The following TANGO6 variants were observed in gnomAD, a reference collection of about 807,000 sequenced individuals.
The protein encoded by TANGO6 is transport and golgi organization 6 homolog.
In TANGO6, 90 loss-of-function variants were observed where a neutral mutation model predicts 114.2. That is an observed-to-expected ratio of 0.79 (90% CI 0.66 to 0.94). The LOEUF is 0.94. TANGO6 is among the 40% of genes least tolerant of loss of function. The pLI, the probability that TANGO6 is intolerant of heterozygous loss-of-function variation, is 0.00. For synonymous variants in TANGO6, 477 were observed against 509.8 expected (o/e 0.94, Z 0.87); for missense variants, 1,274 against 1,315.3 (o/e 0.97, Z 0.49).
intron 15 of TANGO6, among the ~76,000 whole-genome samples, chr16:68,983,712 C>T (rs1322069139): frequency 6.6e-6 from 1 of 152,154 alleles, no homozygotes; most frequent in Non-Finnish European, 1.5e-5. Flanking sequence ...ATCATCATCA[C>T]AGCACAACAG....
intron 15 of TANGO6, among the ~76,000 whole-genome samples, chr16:68,979,305 C>T (rs1963799797): frequency 6.6e-6 from 1 of 152,128 alleles, no homozygotes; most frequent in Non-Finnish European, 1.5e-5. Flanking sequence ...TCTTGGCTCA[C>T]TGCAACCTCC....
Position 69,022,861 on chromosome 16 carries a change from T to A in TANGO6, c.2876T>A (p.Ile959Asn). 1 of 1,590,294 alleles carries A rather than the reference T, an allele frequency of 6.3e-7. No homozygotes were observed. Among genetic ancestry groups the A allele is most frequent in the Non-Finnish European group, 8.6e-7 (1 of 1,167,666 alleles). ...DMVSKYREPL[I>N]HTFLRGVRDP... The stretch of plus-strand genomic sequence containing the variant: ...GTCTCAAAGTACCGAGAACCTTTGA[T>A]CCATACCTTCCTGAGGGGAGTGAGA... Residue 959 changes from isoleucine to asparagine, a missense_variant, in exon 16 of 18, where the codon ATC (isoleucine) becomes AAC (asparagine). Physicochemically the swap from Ile to Asn is moderately radical, Grantham distance 149. This residue lies in a region of TANGO6 where 238 missense variants were observed against 252.9 expected (regional missense o/e 0.94). Transcript: ENST00000261778.
chr16:68,875,137 T>G lies in TANGO6; in HGVS notation c.995-17T>G, dbSNP rs1358907781. 21 of 1,608,544 alleles carry G rather than the reference T, an allele frequency of 1.3e-5. No individual in the cohort carries two copies. The highest frequency in any genetic ancestry group is 1.8e-5 in the Non-Finnish European group (21 of 1,175,896). On this transcript the variant is annotated splice_polypyrimidine_tract_variant and intron_variant, in intron 4 of 17. Transcript: ENST00000261778. ...GGAATTGCTGTGAGCTGCTAACATC[T>G]CTCTCCATTGTGCCAGCGGGAGCAG... is the stretch of plus-strand genomic sequence containing the variant.
In TANGO6 at chr16:68,977,384, T is replaced by C. The variant is rs1307905339; in HGVS notation, c.2842+3216T>C. Among the ~76,000 whole-genome samples, 5 of 151,368 alleles carry C rather than the reference T, an allele frequency of 3.3e-5. No individual in the cohort carries two copies. The South Asian group carries it at 1.0e-3, about 32-fold the overall frequency. ...AAATTTATTTATTTATTTATTTAATTTTTTTTGTTTTTTTGAGATGGAGTC... is the reference window on the plus strand; with the variant it reads ...AAATTTATTTATTTATTTATTTAATCTTTTTTGTTTTTTTGAGATGGAGTC... On this transcript the variant is annotated intron_variant, in intron 15 of 17. Transcript: ENST00000261778.
rs888323230 is a variant in TANGO6, at chr16:68,959,209, C to T, written c.2702-14819C>T. Among the ~76,000 whole-genome samples, 8 of 152,172 alleles carry T rather than the reference C, an allele frequency of 5.3e-5. No individual in the cohort carries two copies. In the South Asian group the frequency reaches 6.2e-4, roughly 12 times the overall value. ...TCATGTTTGCTCATTTCACAATGAT[C>T]GCTTTTTCCAAGCCACTGCTAGCCT... On this transcript the variant is annotated intron_variant, in intron 14 of 17. Coordinates refer to ENST00000261778, the MANE Select transcript of TANGO6 (RefSeq NM_024562.2).
At chr16:68,954,570 G>A (rs1963507344) in intron 14 of TANGO6, among the ~76,000 whole-genome samples, 1 of 152,212 alleles carries the variant, frequency 6.6e-6, no homozygotes, top group Non-Finnish European at 1.5e-5. Flanking sequence ...TAGCGAGAAA[G>A]TTTTATACCA....
intron 12 of TANGO6, among the ~76,000 whole-genome samples, chr16:68,923,389 G>A (rs1160353702): frequency 6.6e-6 from 1 of 152,146 alleles, no homozygotes; most frequent in Admixed American, 6.5e-5. Flanking sequence ...AGAGGCTGGG[G>A]TAGAAGTAGT....
At chr16:69,000,264 A>G (rs1328296078) in intron 15 of TANGO6, among the ~76,000 whole-genome samples, 4 of 152,228 alleles carry the variant, frequency 2.6e-5, no homozygotes, top group Non-Finnish European at 5.9e-5. Flanking sequence ...CTTTTAATAT[A>G]CCAAATATGT....
chr16:69,079,698 T>C (rs1960438862), intron 17 of TANGO6, among the ~76,000 whole-genome samples: 2 of 152,190 alleles, frequency 1.3e-5, no homozygotes, highest in African/African-American at 4.8e-5. Flanking sequence ...CAAAATGCTA[T>C]TTTTTTCTAC....
intron 11 of TANGO6, among the ~76,000 whole-genome samples, chr16:68,912,239 T>G (rs1962931549): frequency 6.6e-6 from 1 of 152,224 alleles, no homozygotes; most frequent in Non-Finnish European, 1.5e-5. Flanking sequence ...GGCTCACGCC[T>G]GTAATCTTAG....
intron 14 of TANGO6, among the ~76,000 whole-genome samples, chr16:68,931,293 G>A (rs1963235874): frequency 6.6e-6 from 1 of 152,190 alleles, no homozygotes; most frequent in Non-Finnish European, 1.5e-5. Context: ...CTGTGAAAAG[G>A]GGACTAAATA....
chr16:69,049,539 C>A (rs537901001), intron 17 of TANGO6, among the ~76,000 whole-genome samples: 97 of 151,084 alleles, frequency 6.4e-4, no homozygotes, highest in Non-Finnish European at 1.2e-3. Flanking sequence ...TCAAGCAATT[C>A]TCCTGCCTCA....
intron 16 of TANGO6, among the ~76,000 whole-genome samples, chr16:69,037,135 CA>C (rs1232986110): frequency 5.2e-3 from 235 of 45,284 alleles, no homozygotes; most frequent in Middle Eastern, 0.026. Context: ...GAGTCCATCT[CA>C]AAAAAAAAAA....
intron 2 of TANGO6, among the ~76,000 whole-genome samples, chr16:68,862,608 A>G (rs1962113165): frequency 6.6e-6 from 1 of 152,226 alleles, no homozygotes; most frequent in Admixed American, 6.5e-5. Flanking sequence ...AAAAATACCC[A>G]GCAAGAAAGA....
chr16:69,057,657 G>C (rs1248307537), intron 17 of TANGO6, among the ~76,000 whole-genome samples: 2 of 152,148 alleles, frequency 1.3e-5, no homozygotes, highest in Non-Finnish European at 2.9e-5. Context: ...GCCAACAGAA[G>C]GCTGCTTCCA....
rs920027579 is a variant in TANGO6, at chr16:69,083,823, C to T, written c.*162C>T. On this transcript the variant is annotated 3_prime_UTR_variant, in exon 18 of 18. Coordinates refer to ENST00000261778, the MANE Select transcript of TANGO6 (RefSeq NM_024562.2). Reference sequence around the variant, plus strand: ...TCACTTGGGTCTTCAGGGTCCCTTCCGAGGGCATGTGTTCAGCACTCCCGC... The same window carrying T: ...TCACTTGGGTCTTCAGGGTCCCTTCTGAGGGCATGTGTTCAGCACTCCCGC... 6 of 691,012 alleles carry T rather than the reference C, an allele frequency of 8.7e-6. No homozygotes were observed. The highest frequency in any genetic ancestry group is 3.6e-5 in the African/African-American group (2 of 55,390). 42.8% of individuals were successfully genotyped at this position (691,012 alleles called of 1,614,324 possible).
chr16:68,988,643 A>G (rs1963918770), intron 15 of TANGO6, among the ~76,000 whole-genome samples: 1 of 149,586 alleles, frequency 6.7e-6, no homozygotes, highest in South Asian at 2.1e-4. Context: ...TCAATTTTTC[A>G]ATTTAATTTT....
At chr16:69,060,760 G>A (rs1346049479) in intron 17 of TANGO6, among the ~76,000 whole-genome samples, 1 of 152,042 alleles carries the variant, frequency 6.6e-6, no homozygotes, top group Non-Finnish European at 1.5e-5. Context: ...TTGGGAGGCC[G>A]AGGCGGGAGG....
At chr16:68,931,205 C>T (rs1343534007) in intron 14 of TANGO6, among the ~76,000 whole-genome samples, 2 of 152,168 alleles carry the variant, frequency 1.3e-5, no homozygotes, top group East Asian at 1.9e-4. Context: ...GTACAGTCAA[C>T]AGACCACCTG....
Sources: gnomAD v4.1 joint callset for allele counts (sites outside exome capture counted in the v4.1 genomes callset) on GRCh38, gnomAD v4.1.1 for gene constraint, gnomAD v4.1.1 regional missense constraint, MANE v1.5 for transcripts, NCBI Gene and HGNC (gene_info 2026-07-23, HGNC 2026-07-21) for gene names.